Variants in RNF6 observed in about 807,000 individuals in gnomAD.
RNF6 encodes ring finger protein 6.
RNF6 carries 21 observed loss-of-function variants against 50.1 expected under a neutral mutation model. That is an observed-to-expected ratio of 0.42 (90% CI 0.30 to 0.60). The LOEUF is 0.60. RNF6 is among the 20% of genes least tolerant of loss of function. The pLI is 0.20. For synonymous variants in RNF6, 255 were observed against 291.8 expected (o/e 0.87, Z 1.29); for missense variants, 698 against 838.2 (o/e 0.83, Z 2.07).
At chr13:26,186,124 A>G (rs1873509116) in intron 5 of RNF6, among the ~76,000 whole-genome samples, 1 of 152,236 alleles carries the variant, frequency 6.6e-6, no homozygotes. Flanking sequence ...GTCATTCACC[A>G]AGGCGCCCAT....
chr13:26,189,545 ATTTAAAGGCAG>A lies in RNF6; in HGVS notation n.768+25918_768+25928del, dbSNP rs1868379088. Among the ~76,000 whole-genome samples the A allele has an allele frequency of 9.2e-5, 14 of 152,340 alleles. No individual in the cohort carries two copies. The South Asian group carries it at 2.9e-3, about 32-fold the overall frequency. Reference sequence around the variant, plus strand: ...AACTTTCAGAAGGGAAACTATTCTCATTTAAAGGCAGTTTGCCCCAATCTTAAGGAAACTCT... The same window carrying A: ...AACTTTCAGAAGGGAAACTATTCTCATTTGCCCCAATCTTAAGGAAACTCT... On this transcript the variant is annotated intron_variant and non_coding_transcript_variant, in intron 5 of 5. Coordinates refer to the RNF6 transcript ENST00000468480.
In RNF6 at chr13:26,214,620, G is replaced by A; in HGVS notation, c.1262C>T (p.Thr421Ile). Reference sequence around the variant, plus strand: ...TTCTGCTAGCCCTACTCTGGATCGAGTTCTATTTGCAATACTATCCCGATC... The same window carrying A: ...TTCTGCTAGCCCTACTCTGGATCGAATTCTATTTGCAATACTATCCCGATC... ...NRDRDSIANR[T>I]RSRVGLAENT... The change falls in exon 5 of 5, where the codon ACT becomes ATT. Residue 421 changes from threonine to isoleucine, a missense_variant. Transcript: ENST00000381588. 6.2e-7 allele frequency: 1 copy of A among 1,614,182 alleles called. No homozygotes were observed. Among genetic ancestry groups the A allele is most frequent in the Non-Finnish European group, 8.5e-7 (1 of 1,180,030 alleles).
rs375570265 is a variant in RNF6, at chr13:26,187,010, T to C, written n.768+28464A>G. 1.8e-3 allele frequency among the ~76,000 whole-genome samples: 277 copies of C among 152,024 alleles called. No homozygotes were observed. The East Asian group carries it at 0.031, about 17-fold the overall frequency. ...GCCAGGATGGTCTCGATCTCCTGACTTCGTGATCCACCCACCTCGGCCTCC... is the reference window on the plus strand; with the variant it reads ...GCCAGGATGGTCTCGATCTCCTGACCTCGTGATCCACCCACCTCGGCCTCC... On this transcript the variant is annotated intron_variant and non_coding_transcript_variant, in intron 5 of 5. Coordinates refer to the RNF6 transcript ENST00000468480.
intron 2 of RNF6, 75 bp from the exon 3 acceptor site, chr13:26,219,742 G>C: frequency 7.5e-7 from 1 of 1,328,012 alleles, no homozygotes; most frequent in South Asian, 1.5e-5. Context: ...TTAACTTGCA[G>C]TTTTTCTTAA....
rs1447827970 is a variant in RNF6, at chr13:26,214,073, T to G, written c.1809A>C (p.Ile603=). Residue 603 remains isoleucine (I), a synonymous_variant, in exon 5 of 5, where the codon ATA becomes ATC. Coordinates refer to ENST00000381588, the MANE Select transcript of RNF6 (RefSeq NM_005977.4). ...CAATCTGCTCTTTGGTTAAACCACG[T>G]ATTCGATCATCATCATCACTTTCAT... The part of the protein sequence containing the change: ...LLNESDDDDR[I]RGLTKEQIDN... The G allele has an allele frequency of 6.2e-7, 1 of 1,614,230 alleles. No individual in the cohort carries two copies. Among genetic ancestry groups the G allele is most frequent in the African/African-American group, 1.3e-5 (1 of 75,062 alleles).
intron 5 of RNF6, among the ~76,000 whole-genome samples, chr13:26,203,836 C>A (rs942049323): frequency 1.3e-5 from 2 of 152,184 alleles, no homozygotes; most frequent in African/African-American, 2.4e-5. Context: ...GAGGCAGGTG[C>A]CTGTAGTCCC....
chr13:26,193,276 G>A (rs775289945), intron 5 of RNF6, among the ~76,000 whole-genome samples: 2 of 152,060 alleles, frequency 1.3e-5, no homozygotes, highest in Non-Finnish European at 2.9e-5. Context: ...TACAAGAACA[G>A]AGCCTGGAAA....
intron 5 of RNF6, among the ~76,000 whole-genome samples, chr13:26,170,346 G>A (rs1205381821): frequency 6.6e-6 from 1 of 152,020 alleles, no homozygotes; most frequent in Non-Finnish European, 1.5e-5. Context: ...AAAGCACTTT[G>A]TTACCGAAGA....
chr13:26,135,125 C>G (rs192263046), intron 5 of RNF6, among the ~76,000 whole-genome samples: 1 of 152,262 alleles, frequency 6.6e-6, no homozygotes, highest in East Asian at 1.9e-4. Context: ...CATTTGTGAT[C>G]ATAAGTTTTT....
At chr13:26,146,134 A>G (rs1367880893) in intron 5 of RNF6, among the ~76,000 whole-genome samples, 2 of 152,238 alleles carry the variant, frequency 1.3e-5, no homozygotes, top group African/African-American at 4.8e-5. Flanking sequence ...GCCCCAGTGC[A>G]CAGTTATTCT....
At chr13:26,181,253 C>T (rs1263704094) in intron 5 of RNF6, among the ~76,000 whole-genome samples, 1 of 152,128 alleles carries the variant, frequency 6.6e-6, no homozygotes, top group African/African-American at 2.4e-5. Flanking sequence ...ACTACAATGG[C>T]CTGAACTGCA....
intron 5 of RNF6, among the ~76,000 whole-genome samples, chr13:26,198,110 GTATA>G (rs1421564312): frequency 1.9e-5 from 2 of 107,018 alleles, no homozygotes; most frequent in East Asian, 2.7e-4. Flanking sequence ...TAGTACGAAA[GTATA>G]TGTGTGTGTG....
At chr13:26,176,733 GACC>G (rs1174452194) in intron 5 of RNF6, among the ~76,000 whole-genome samples, 1 of 152,176 alleles carries the variant, frequency 6.6e-6, no homozygotes, top group African/African-American at 2.4e-5. Flanking sequence ...AGGAGTTCAA[GACC>G]AGCCTGAGCA....
chr13:26,137,653 TAA>T (rs57465135), intron 5 of RNF6, among the ~76,000 whole-genome samples: 2,277 of 138,640 alleles, frequency 0.016, 35 homozygotes, highest in African/African-American at 0.04. Context: ...ATAGAAATTA[TAA>T]AAAAAAAAAA....
At chr13:26,217,566 T>C (rs1389200146) in intron 4 of RNF6, among the ~76,000 whole-genome samples, 3 of 152,218 alleles carry the variant, frequency 2.0e-5, no homozygotes, top group African/African-American at 4.8e-5. Flanking sequence ...AACCTAGATA[T>C]GGTTGCGACT....
At chr13:26,146,232 G>A (rs1477626871) in intron 5 of RNF6, among the ~76,000 whole-genome samples, 1 of 152,188 alleles carries the variant, frequency 6.6e-6, no homozygotes, top group Admixed American at 6.5e-5. Flanking sequence ...CCTTTCTCAA[G>A]GGGACTCAGC....
chr13:26,157,634 A>C (rs1240265961), intron 5 of RNF6, among the ~76,000 whole-genome samples: 1 of 152,244 alleles, frequency 6.6e-6, no homozygotes, highest in African/African-American at 2.4e-5. Flanking sequence ...AGTAACAATC[A>C]AAGAAGTGAA....
chr13:26,191,202 G>C (rs1868436434), intron 5 of RNF6, among the ~76,000 whole-genome samples: 1 of 152,074 alleles, frequency 6.6e-6, no homozygotes, highest in Non-Finnish European at 1.5e-5. Context: ...CATCTGTTTA[G>C]AAGGAAAAAA....
At chr13:26,186,478 C>T (rs1032563173) in intron 5 of RNF6, among the ~76,000 whole-genome samples, 2 of 152,328 alleles carry the variant, frequency 1.3e-5, no homozygotes, top group African/African-American at 4.8e-5. Context: ...AGTCGCGCTA[C>T]CGACTGGCAG....
Sources: allele counts gnomAD v4.1 joint callset (sites outside exome capture counted in the v4.1 genomes callset), GRCh38; gene constraint gnomAD v4.1.1; transcripts MANE v1.5; gene names NCBI Gene and HGNC (gene_info 2026-07-23, HGNC 2026-07-21).